Variants in LOXHD1 observed in about 807,000 individuals in gnomAD.
LOXHD1 encodes lipoxygenase homology domain-containing protein 1.
Under a neutral mutation model 248.2 loss-of-function variants are expected in LOXHD1, and 205 were observed. The ratio of observed to expected loss-of-function variants is 0.83; its 90% CI spans 0.74 to 0.93. LOXHD1 has a LOEUF of 0.93. LOXHD1 is among the 40% of genes least tolerant of loss of function. The pLI is 0.00. For missense variants in LOXHD1, 2,930 were observed against 2,971.6 expected, an observed-to-expected ratio of 0.99 and a Z score of 0.33; for synonymous variants, 1,113 against 1,162.8, an observed-to-expected ratio of 0.96 and a Z score of 0.87.
chr18:46,559,487 CA>C lies in LOXHD1; in HGVS notation c.3176del (p.Leu1059ArgfsTer28). ...ATTTGTTGGACTTGTCTGACTTCTT[CA>C]GGGGTCGTTCGCCCGTGTCTCCATA... ...EEYGDTGERPLKKSDKSNKFE... is the reference protein window; with the variant it reads ...EEYGDTGERPXKKSDKSNKFE... On this transcript the variant is annotated frameshift_variant, in exon 20 of 41. Coordinates refer to ENST00000642948, the MANE Select transcript of LOXHD1 (RefSeq NM_001384474.1). LOFTEE classifies it high-confidence loss of function. 1.3e-6 allele frequency: 2 copies of C among 1,552,064 alleles called. No individual in the cohort carries two copies. Among genetic ancestry groups the C allele is most frequent in the Non-Finnish European group, 1.7e-6 (2 of 1,147,078 alleles).
chr18:46,583,149 TA>T (rs2037994525), intron 12 of LOXHD1, among the ~76,000 whole-genome samples: 1 of 152,086 alleles, frequency 6.6e-6, no homozygotes, highest in Non-Finnish European at 1.5e-5. Context: ...AGATTACCCA[TA>T]AAACTGGCTC....
chr18:46,521,290 G>T lies in LOXHD1; in HGVS notation c.5086-8C>A, dbSNP rs1245123025. ...GGCCCCGTCATGGCCCAGCTAGGAGGAGACACACCTGATCTGTGACGATCT... is the reference window on the plus strand; with the variant it reads ...GGCCCCGTCATGGCCCAGCTAGGAGTAGACACACCTGATCTGTGACGATCT... On this transcript the variant is annotated splice_polypyrimidine_tract_variant and splice_region_variant and intron_variant, in intron 32 of 40. Transcript: ENST00000642948. 6.4e-7 allele frequency: 1 copy of T among 1,551,622 alleles called. No homozygotes were observed. Among genetic ancestry groups the T allele is most frequent in the South Asian group, 1.2e-5 (1 of 84,054 alleles).
At position 46,546,463 on chromosome 18, in the gene LOXHD1, C is replaced by T. The variant is rs1017724148; in HGVS notation, c.3514+432G>A. On this transcript the variant is annotated intron_variant, in intron 22 of 40. Transcript: ENST00000642948. ...CATTCCATTCCATTTCAATACATTC[C>T]ATTCCATTCCAACCCATCACATTCC... 3.3e-5 allele frequency among the ~76,000 whole-genome samples: 5 copies of T among 151,456 alleles called. No individual in the cohort carries two copies. The East Asian group carries it at 7.8e-4, about 24-fold the overall frequency.
intron 4 of LOXHD1, among the ~76,000 whole-genome samples, chr18:46,620,567 G>C (rs1057344190): frequency 6.6e-6 from 1 of 152,232 alleles, no homozygotes; most frequent in Non-Finnish European, 1.5e-5. Context: ...CCAAAGGAAA[G>C]ATTTTGTAGT....
At position 46,566,387 on chromosome 18, in the gene LOXHD1, G is replaced by A. The variant is rs115658952; in HGVS notation, c.2307C>T (p.Ser769=). 4.7e-4 allele frequency: 731 copies of A among 1,551,540 alleles called. 2 individuals carry two copies. In the African/African-American group the frequency reaches 8.7e-3, roughly 18 times the overall value. The change falls in exon 17 of 41, where the codon AGC becomes AGT. Residue 769 remains serine (S), a synonymous_variant. Coordinates refer to ENST00000642948, the MANE Select transcript of LOXHD1 (RefSeq NM_001384474.1). ...CTTGACGGGGCACACGGATCTGAAC[G>A]CTGCCCAGGAACCAGCTGGCATGCA... The part of the protein sequence containing the change: ...TGMHASWFLG[S]VQIRVPRQGK...
chr18:46,572,206 G>A (rs193109777), intron 14 of LOXHD1, 44 bp from the exon 15 acceptor site: 3 of 1,505,642 alleles, frequency 2.0e-6, no homozygotes, highest in African/African-American at 2.8e-5. Context: ...GGTGGAGCAG[G>A]CAGACAATCA....
At chr18:46,643,608 C>A (rs1275254911) in intron 2 of LOXHD1, among the ~76,000 whole-genome samples, 1 of 152,146 alleles carries the variant, frequency 6.6e-6, no homozygotes, top group East Asian at 1.9e-4. Flanking sequence ...TTCAGAGTCA[C>A]AGCAGCTGTC....
chr18:46,578,037 CAATTT>C (rs2037893295), intron 13 of LOXHD1, among the ~76,000 whole-genome samples, 170 bp from the exon 14 acceptor site: 1 of 152,196 alleles, frequency 6.6e-6, no homozygotes, highest in Non-Finnish European at 1.5e-5. Context: ...CACCCACCCC[CAATTT>C]CTTCCACTGG....
intron 5 of LOXHD1, among the ~76,000 whole-genome samples, chr18:46,614,893 G>A (rs1165472314): frequency 6.6e-6 from 1 of 152,042 alleles, no homozygotes; most frequent in Non-Finnish European, 1.5e-5. Context: ...ATATAAGATG[G>A]AGATTCATAA....
chr18:46,483,538 C>A (rs540932015), intron 40 of LOXHD1, 49 bp downstream of exon 40: 3 of 1,547,926 alleles, frequency 1.9e-6, no homozygotes, highest in Admixed American at 3.9e-5. Flanking sequence ...TCAGTCCCTG[C>A]CCCATGCTGA....
At chr18:46,545,691 G>A (rs1217796200) in intron 22 of LOXHD1, among the ~76,000 whole-genome samples, 1 of 134,540 alleles carries the variant, frequency 7.4e-6, no homozygotes, top group Non-Finnish European at 1.5e-5. Context: ...GTGCAGTGGC[G>A]GGATCTCGGC....
chr18:46,560,576 G>T, intron 18 of LOXHD1, 31 bp from the exon 19 acceptor site: 1 of 1,497,296 alleles, frequency 6.7e-7, no homozygotes, highest in Non-Finnish European at 8.9e-7. Context: ...CGGCTGTCGT[G>T]GCCCCAGCGT....
At chr18:46,579,490 C>T in intron 13 of LOXHD1, 140 bp downstream of exon 13, 2 of 1,148,596 alleles carry the variant, frequency 1.7e-6, no homozygotes, top group Non-Finnish European at 2.5e-6. Flanking sequence ...GTTCCCCGCC[C>T]CCTTACCCAG....
intron 29 of LOXHD1, among the ~76,000 whole-genome samples, chr18:46,526,834 G>T (rs1162557854): frequency 6.6e-6 from 1 of 152,214 alleles, no homozygotes; most frequent in African/African-American, 2.4e-5. Flanking sequence ...GGCAGACTTG[G>T]CTGATCTAAG....
chr18:46,496,164 T>C (rs1052420928), intron 37 of LOXHD1, among the ~76,000 whole-genome samples: 7 of 152,236 alleles, frequency 4.6e-5, no homozygotes, highest in Non-Finnish European at 8.8e-5. Context: ...GTGACAACTT[T>C]CAATAGTTCA....
chr18:46,626,399 G>A (rs1044024598), intron 4 of LOXHD1, among the ~76,000 whole-genome samples: 48 of 152,300 alleles, frequency 3.2e-4, no homozygotes, highest in Admixed American at 2.9e-3. Flanking sequence ...TTTGCCAGGT[G>A]TGGTGGCACA....
At chr18:46,500,017 GA>G (rs917258978) in intron 37 of LOXHD1, among the ~76,000 whole-genome samples, 1 of 152,094 alleles carries the variant, frequency 6.6e-6, no homozygotes, top group African/African-American at 2.4e-5. Context: ...GAGTTTCCCA[GA>G]TGTAAATTTC....
At chr18:46,547,087 A>G in intron 21 of LOXHD1, 29 bp from the exon 22 acceptor site, 2 of 1,551,632 alleles carry the variant, frequency 1.3e-6, no homozygotes, top group Non-Finnish European at 1.7e-6. Context: ...AAAGATTGGA[A>G]TGTCCTCTTA....
intron 16 of LOXHD1, among the ~76,000 whole-genome samples, chr18:46,567,843 G>GCCCA (rs2037674723): frequency 6.6e-6 from 1 of 152,180 alleles, no homozygotes. Context: ...GGCAGCCAGA[G>GCCCA]CCCATGCTCC....
Sources: allele counts gnomAD v4.1 joint callset (sites outside exome capture counted in the v4.1 genomes callset), GRCh38; gene constraint gnomAD v4.1.1; transcripts MANE v1.5; gene names NCBI Gene and HGNC (gene_info 2026-07-23, HGNC 2026-07-21).